The following IGFLR1 variants were observed in gnomAD, a reference collection of about 807,000 sequenced individuals.
The protein encoded by IGFLR1 is IGF like family receptor 1.
In IGFLR1, 17 loss-of-function variants were observed where a neutral mutation model predicts 23.4. The observed-to-expected ratio is 0.73, with a 90% CI of 0.50 to 1.09. The LOEUF is 1.09. Among genes scored for constraint, IGFLR1 ranks in the 50% least tolerant of loss-of-function variants. The pLI, the probability that IGFLR1 is intolerant of heterozygous loss-of-function variation, is 0.00. For missense variants in IGFLR1, 556 were observed against 459.2 expected (o/e 1.21, Z -1.93); for synonymous variants, 265 against 210.7 (o/e 1.26, Z -2.23).
chr19:35,741,181 C>A lies in IGFLR1; in HGVS notation c.-1G>T, dbSNP rs773725236. On this transcript the variant is annotated 5_prime_UTR_variant, in exon 2 of 5. Transcript: ENST00000246532. ...TCAGGAGGCATCGTCCAGGCCCCAT[C>A]TGGGGGGCCGTGATAGCGGGACTTC... is the stretch of plus-strand genomic sequence containing the variant. 2 of 1,610,448 alleles carry A rather than the reference C, an allele frequency of 1.2e-6. No individual in the cohort carries two copies. Among genetic ancestry groups the A allele is most frequent in the East Asian group, 2.2e-5 (1 of 44,792 alleles).
In IGFLR1 at chr19:35,739,766, G is replaced by T; in HGVS notation, c.665C>A (p.Ala222Asp). The change falls in exon 4 of 5, where the codon GCC becomes GAC. Residue 222 changes from alanine (A) to aspartate (D), a missense_variant. Ala to Asp is a moderately radical substitution (Grantham distance 126). Transcript: ENST00000246532. The stretch of plus-strand genomic sequence containing the variant: ...CTTCCATGTGTCCCCTGTCTCCAGG[G>T]CGCCTGGGGAGGACAGATGCGAGGA... Reference protein sequence around the residue: ...PSSSHLSSPGALETGDTWKEA... With the variant: ...PSSSHLSSPGDLETGDTWKEA... The T allele has an allele frequency of 6.4e-7, 1 of 1,559,450 alleles. No individual in the cohort carries two copies. The highest frequency in any genetic ancestry group is 8.7e-7 in the Non-Finnish European group (1 of 1,149,508).
At position 35,739,424 on chromosome 19, in the gene IGFLR1, CG is replaced by C. The variant is rs776396989; in HGVS notation, c.923del (p.Pro308ArgfsTer5). ...FAYSLRPSRS[P>X]LRALIEMVVA... ...CCACCATCTCAATCAGAGCCCGCAG[CG>C]GCGAGCGACTCGGCCTCAGCGAATA... On this transcript the variant is annotated frameshift_variant, in exon 5 of 5. Coordinates refer to ENST00000246532, the MANE Select transcript of IGFLR1 (RefSeq NM_024660.4). LOFTEE classifies it low-confidence loss of function (END_TRUNC). 1.9e-6 allele frequency: 3 copies of C among 1,613,836 alleles called. No individual in the cohort carries two copies. The highest frequency in any genetic ancestry group is 2.5e-6 in the Non-Finnish European group (3 of 1,179,940).
In IGFLR1 at chr19:35,739,560, A is replaced by G. The variant is rs1279914235; in HGVS notation, c.788T>C (p.Leu263Pro). 1.2e-6 allele frequency: 2 copies of G among 1,613,966 alleles called. No individual in the cohort carries two copies. Among genetic ancestry groups the G allele is most frequent in the African/African-American group, 1.3e-5 (1 of 75,054 alleles). The change falls in exon 5 of 5, where the codon CTG becomes CCG. Residue 263 changes from leucine (L) to proline (P), a missense_variant. Transcript: ENST00000246532. ...AGGCTCAGGGTCCAGCAGTACAATCAGCTCTTCCAGCACCTCCAGCTCATC... is the reference window on the plus strand; with the variant it reads ...AGGCTCAGGGTCCAGCAGTACAATCGGCTCTTCCAGCACCTCCAGCTCATC... Reference protein sequence around the residue: ...LLDELEVLEELIVLLDPEPGP... With the variant: ...LLDELEVLEEPIVLLDPEPGP...
chr19:35,740,058 G>A lies in IGFLR1; in HGVS notation c.373C>T (p.Leu125Phe). 2 of 1,613,672 alleles carry A rather than the reference G, an allele frequency of 1.2e-6. No homozygotes were observed. The highest frequency in any genetic ancestry group is 1.7e-6 in the Non-Finnish European group (2 of 1,179,904). ...GGGGCGCCTGGGTTTCCAGGTGTGA[G>A]GGGGCAGTGCCCCTTGGCAGGGACC... The part of the protein sequence containing the change: ...RPVPAKGHCP[L>F]TPGNPGAPSS... Residue 125 changes from leucine to phenylalanine, a missense_variant, in exon 4 of 5, where the codon CTC becomes TTC. By Grantham distance (22) the Leu-to-Phe change is conservative (BLOSUM62 0). Coordinates refer to ENST00000246532, the MANE Select transcript of IGFLR1 (RefSeq NM_024660.4).
chr19:35,739,334 T>C lies in IGFLR1; in HGVS notation c.1014A>G (p.Ala338=). ...GCTTGGACAGCACCCGCAATGCATCTGCCCGCCCTAGCTGGGCGAGGTGTG... is the reference window on the plus strand; with the variant it reads ...GCTTGGACAGCACCCGCAATGCATCCGCCCGCCCTAGCTGGGCGAGGTGTG... ...LGTHLAQLGR[A]DALRVLSKLG... The change falls in exon 5 of 5, where the codon GCA becomes GCG. Residue 338 remains alanine, a synonymous_variant. Transcript: ENST00000246532. 6.2e-7 allele frequency: 1 copy of C among 1,609,966 alleles called. No homozygotes were observed. The highest frequency in any genetic ancestry group is 8.5e-7 in the Non-Finnish European group (1 of 1,178,118).
chr19:35,739,617 C>G lies in IGFLR1; in HGVS notation c.731G>C (p.Ser244Thr). 3 of 1,610,376 alleles carry G rather than the reference C, an allele frequency of 1.9e-6. No homozygotes were observed. Among genetic ancestry groups the G allele is most frequent in the Non-Finnish European group, 2.5e-6 (3 of 1,177,238 alleles). Residue 244 changes from serine to threonine, a missense_variant, in exon 5 of 5, where the codon AGT (serine) becomes ACT (threonine). Coordinates refer to ENST00000246532, the MANE Select transcript of IGFLR1 (RefSeq NM_024660.4). Reference sequence around the variant, plus strand: ...GCGAGACAGGGGTTGTGACGCCAGACTGGACAGTTCTGGAAGAAAGGGGAA... The same window carrying G: ...GCGAGACAGGGGTTGTGACGCCAGAGTGGACAGTTCTGGAAGAAAGGGGAA... The part of the protein sequence containing the change: ...LLPLLSRELS[S>T]LASQPLSRLL...
Position 35,738,812 on chromosome 19 carries a change from CTTTT to C in IGFLR1, c.*464_*467del. 1.9e-6 allele frequency: 1 copy of C among 530,472 alleles called. No homozygotes were observed. The highest frequency in any genetic ancestry group is 3.3e-6 in the Non-Finnish European group (1 of 302,320). The allele number at this position is 530,472 out of a possible 1,614,324, so 32.9% of individuals were successfully genotyped here. A position where few individuals can be genotyped will look rare whatever the true frequency, so the allele number is the denominator to read the frequency against. ...TTCTAAATCCCTTCTTTTCTATGCA[CTTTT>C]TTATTTAAGAGGTGGGGTCCCAGGT... On this transcript the variant is annotated 3_prime_UTR_variant, in exon 5 of 5. Coordinates refer to ENST00000246532, the MANE Select transcript of IGFLR1 (RefSeq NM_024660.4). This position sits in a 1 kb window ranked among gnomAD's most constrained non-coding sequence, Gnocchi z 8.7.
chr19:35,740,851 A>G (rs966839388), intron 2 of IGFLR1, 173 bp downstream of exon 2: 1 of 678,406 alleles, frequency 1.5e-6, no homozygotes, highest in African/African-American at 1.8e-5. Context: ...GCCCTACGGT[A>G]GCCCGCACTA....
In IGFLR1 at chr19:35,740,410, G is replaced by A; in HGVS notation, c.312C>T (p.Gly104=). The stretch of plus-strand genomic sequence containing the variant: ...TGCAGCGCCACGGGGTTCTGCCCCC[G>A]CCCGCGGCGGGAGTAGGGGTCACGG... ...GGAVTPTPAA[G]GGRTPWRCRE... is the part of the protein sequence containing the mutation. Residue 104 remains glycine (G), a synonymous_variant, in exon 3 of 5, where the codon GGC becomes GGT. Transcript: ENST00000246532. 1.2e-6 allele frequency: 2 copies of A among 1,605,824 alleles called. No homozygotes were observed. Among genetic ancestry groups the A allele is most frequent in the Non-Finnish European group, 8.5e-7 (1 of 1,176,758 alleles).
intron 3 of IGFLR1, 48 bp downstream of exon 3, chr19:35,740,332 C>T (rs762032828): frequency 1.3e-6 from 2 of 1,497,812 alleles, no homozygotes; most frequent in African/African-American, 1.4e-5. Context: ...TACATCTAGG[C>T]CCCCCACCTC....
intron 3 of IGFLR1, 96 bp from the exon 4 acceptor site, chr19:35,740,184 C>T: frequency 7.1e-7 from 1 of 1,417,932 alleles, no homozygotes; most frequent in Non-Finnish European, 9.3e-7. Flanking sequence ...GGGCCACATC[C>T]CATCTGATAC....
At chr19:35,741,869 T>C (rs967053387) in intron 1 of IGFLR1, among the ~76,000 whole-genome samples, 34 of 151,976 alleles carry the variant, frequency 2.2e-4, no homozygotes, top group African/African-American at 7.7e-4. Flanking sequence ...CCCAACACTT[T>C]GGGAGGCCCA....
rs1257688665 is a variant in IGFLR1, at chr19:35,739,262, A to G, written c.*18T>C. 5 of 1,539,988 alleles carry G rather than the reference A, an allele frequency of 3.2e-6. No individual in the cohort carries two copies. In the African/African-American group the frequency reaches 6.8e-5, roughly 21 times the overall value. On this transcript the variant is annotated 3_prime_UTR_variant, in exon 5 of 5. Transcript: ENST00000246532. Reference sequence around the variant, plus strand: ...TTGTATACTGGGCTTAGTAGTCAGCAAAGTTCTTTATTGGGTGTTAAGCCC... The same window carrying G: ...TTGTATACTGGGCTTAGTAGTCAGCGAAGTTCTTTATTGGGTGTTAAGCCC...
At chr19:35,740,619 A>G (rs1331470075) in intron 2 of IGFLR1, 55 bp from the exon 3 acceptor site, 2 of 1,515,206 alleles carry the variant, frequency 1.3e-6, no homozygotes, top group African/African-American at 1.4e-5. Context: ...TGCGCGGGCA[A>G]CGCCCTCTCC....
In IGFLR1 at chr19:35,739,992, A is replaced by G. The variant is rs758563351; in HGVS notation, c.439T>C (p.Trp147Arg). Residue 147 changes from tryptophan (W) to arginine (R), a missense_variant, in exon 4 of 5, where the codon TGG (tryptophan) becomes CGG (arginine). Physicochemically the swap from Trp to Arg is moderately radical, Grantham distance 101 (BLOSUM62 -3). Transcript: ENST00000246532. ...ERSSPASSIAWRTPEPVPQQA... is the reference protein window; with the variant it reads ...ERSSPASSIARRTPEPVPQQA... ...TGAGGGACAGGCTCAGGGGTCCTCC[A>G]GGCAATGGAACTTGCTGGTGAGCTG... 3 of 1,614,092 alleles carry G rather than the reference A, an allele frequency of 1.9e-6. No homozygotes were observed. The South Asian group carries it at 3.3e-5, about 18-fold the overall frequency.
chr19:35,740,801 G>C, intron 2 of IGFLR1: 1 of 632,470 alleles, frequency 1.6e-6, no homozygotes, highest in Non-Finnish European at 2.7e-6. Context: ...CTTTCCACGC[G>C]GCCCCTATCC....
In IGFLR1 at chr19:35,739,189, G is replaced by T; in HGVS notation, c.*91C>A. 2 of 1,202,644 alleles carry T rather than the reference G, an allele frequency of 1.7e-6. No individual in the cohort carries two copies. Among genetic ancestry groups the T allele is most frequent in the Non-Finnish European group, 2.3e-6 (2 of 869,298 alleles). The allele number at this position is 1,202,644 out of a possible 1,614,324, so 74.5% of individuals were successfully genotyped here. A position where few individuals can be genotyped will look rare whatever the true frequency, so the allele number is the denominator to read the frequency against. On this transcript the variant is annotated 3_prime_UTR_variant, in exon 5 of 5. Coordinates refer to ENST00000246532, the MANE Select transcript of IGFLR1 (RefSeq NM_024660.4). ...CGAAGAGCAGTGAGGCTATCTGTTG[G>T]GTCTTTGCCCAATTAGGATTGTACT...
In IGFLR1 at chr19:35,738,813, T is replaced by G; in HGVS notation, c.*467A>C. On this transcript the variant is annotated 3_prime_UTR_variant, in exon 5 of 5. Coordinates refer to ENST00000246532, the MANE Select transcript of IGFLR1 (RefSeq NM_024660.4). The surrounding 1 kb of genome is among the most constrained non-coding windows in gnomAD (Gnocchi z 8.7). ...TCTAAATCCCTTCTTTTCTATGCAC[T>G]TTTTTATTTAAGAGGTGGGGTCCCA... 1 of 526,638 alleles carries G rather than the reference T, an allele frequency of 1.9e-6. No homozygotes were observed. Among genetic ancestry groups the G allele is most frequent in the African/African-American group, 1.9e-5 (1 of 52,498 alleles). The allele number at this position is 526,638 out of a possible 1,614,324, so 32.6% of individuals were successfully genotyped here.
In IGFLR1 at chr19:35,740,546, T is replaced by C. The variant is rs1970155639; in HGVS notation, c.176A>G (p.Asn59Ser). ...ATCGCCGTGGTCATTGAGTCCGCAGTTTTCCCGGAACTCATAGTCTAGCGG... is the reference window on the plus strand; with the variant it reads ...ATCGCCGTGGTCATTGAGTCCGCAGCTTTCCCGGAACTCATAGTCTAGCGG... Reference protein sequence around the residue: ...PPCPDYEFRENCGLNDHGDFV... With the variant: ...PPCPDYEFRESCGLNDHGDFV... Residue 59 changes from asparagine (N) to serine (S), a missense_variant, in exon 3 of 5, where the codon AAC (asparagine) becomes AGC (serine). Asn to Ser is a conservative substitution (Grantham distance 46). Coordinates refer to ENST00000246532, the MANE Select transcript of IGFLR1 (RefSeq NM_024660.4). 5 of 1,608,224 alleles carry C rather than the reference T, an allele frequency of 3.1e-6. No homozygotes were observed. Among genetic ancestry groups the C allele is most frequent in the Non-Finnish European group, 4.2e-6 (5 of 1,177,728 alleles).
Sources: allele counts gnomAD v4.1 joint callset (sites outside exome capture counted in the v4.1 genomes callset), GRCh38; gene constraint gnomAD v4.1.1; non-coding constraint Gnocchi (gnomAD v3.1); transcripts MANE v1.5; gene names NCBI Gene and HGNC (gene_info 2026-07-23, HGNC 2026-07-21).